The following VCAN variants were observed in gnomAD, a reference collection of about 807,000 sequenced individuals.
The protein encoded by VCAN is versican, also known as versican core protein.
In VCAN, 44 loss-of-function variants were observed where a neutral mutation model predicts 245.5. The ratio of observed to expected loss-of-function variants is 0.18; its 90% CI spans 0.14 to 0.23. VCAN has a LOEUF of 0.23. VCAN is among the 10% of genes least tolerant of loss of function. VCAN has a pLI of 1.00. For missense variants in VCAN, 3,793 were observed against 4,057.9 expected, an observed-to-expected ratio of 0.93 and a Z score of 1.77; for synonymous variants, 1,413 against 1,437.0, an observed-to-expected ratio of 0.98 and a Z score of 0.38.
chr5:83,565,986 G>A (rs765838202), intron 12 of VCAN, among the ~76,000 whole-genome samples: 2 of 147,292 alleles, frequency 1.4e-5, no homozygotes, highest in Non-Finnish European at 3.0e-5. Context: ...TTTTTGAGAC[G>A]GTGTCTCACT....
At chr5:83,559,008 C>A (rs1279192095) in intron 12 of VCAN, among the ~76,000 whole-genome samples, 1 of 152,046 alleles carries the variant, frequency 6.6e-6, no homozygotes, top group Non-Finnish European at 1.5e-5. Context: ...CCTAGTTATT[C>A]TTTAACTTGA....
rs766432542 is a variant in VCAN, at chr5:83,512,085, C to G, written c.749-18C>G. The G allele has an allele frequency of 1.2e-6, 2 of 1,613,532 alleles. No homozygotes were observed. Among genetic ancestry groups the G allele is most frequent in the South Asian group, 1.1e-5 (1 of 91,020 alleles). On this transcript the variant is annotated intron_variant, in intron 5 of 14. Transcript: ENST00000265077. ...AATAATAAAACTTTGGGCTTTTTTT[C>G]CCTTCTTTTTTTTCCAGGTGATGTG...
In VCAN at chr5:83,538,432, G is replaced by T; in HGVS notation, c.5429G>T (p.Ser1810Ile). The T allele has an allele frequency of 6.2e-7, 1 of 1,613,988 alleles. No homozygotes were observed. The highest frequency in any genetic ancestry group is 8.5e-7 in the Non-Finnish European group (1 of 1,179,964). The change falls in exon 8 of 15, where the codon AGC (serine) becomes ATC (isoleucine). Residue 1810 changes from serine to isoleucine, a missense_variant. Ser to Ile is a moderately radical substitution (Grantham distance 142, BLOSUM62 -2). Coordinates refer to ENST00000265077, the MANE Select transcript of VCAN (RefSeq NM_004385.5). ...TTGGGGGCACAGACCACTGAGCACA[G>T]CAGTATCCATCAACCTGGGGTTCAG... ...ENLGAQTTEH[S>I]SIHQPGVQEG...
intron 5 of VCAN, among the ~76,000 whole-genome samples, chr5:83,500,553 C>A (rs1251506468): frequency 6.6e-6 from 1 of 152,122 alleles, no homozygotes; most frequent in African/African-American, 2.4e-5. Flanking sequence ...TAACTTAAAT[C>A]TTATGAAACC....
At chr5:83,526,971 A>G (rs1482189296) in intron 7 of VCAN, among the ~76,000 whole-genome samples, 2 of 152,204 alleles carry the variant, frequency 1.3e-5, no homozygotes, top group Non-Finnish European at 2.9e-5. Flanking sequence ...TGAGTCTGAC[A>G]TTCTTGGCAT....
intron 5 of VCAN, among the ~76,000 whole-genome samples, chr5:83,499,034 G>C (rs535921213): frequency 7.3e-4 from 111 of 151,982 alleles, no homozygotes; most frequent in African/African-American, 2.5e-3. Flanking sequence ...CAGACCCTTT[G>C]CTTGCTCCTG....
At position 83,512,314 on chromosome 5, in the gene VCAN, T is replaced by C; in HGVS notation, c.960T>C (p.Leu320=). 6.2e-7 allele frequency: 1 copy of C among 1,613,580 alleles called. No homozygotes were observed. Among genetic ancestry groups the C allele is most frequent in the Non-Finnish European group, 8.5e-7 (1 of 1,179,512 alleles). ...GGGCCCAGTGTGGAGGTGGTCTACT[T>C]GGGGTGAGAACCCTGTATCGTTTTG... The part of the protein sequence containing the change: ...VARAQCGGGL[L]GVRTLYRFEN... The change falls in exon 6 of 15, where the codon CTT becomes CTC. Residue 320 remains leucine, a synonymous_variant. Coordinates refer to ENST00000265077, the MANE Select transcript of VCAN (RefSeq NM_004385.5).
At chr5:83,579,549 C>T (rs975321688) in intron 13 of VCAN, among the ~76,000 whole-genome samples, 1 of 152,150 alleles carries the variant, frequency 6.6e-6, no homozygotes, top group Non-Finnish European at 1.5e-5. Flanking sequence ...AGGCATAAGC[C>T]ACTGTGCCTG....
rs151047073 is a variant in VCAN at position 83,521,531 on chromosome 5, C to T, written c.3225C>T (p.Val1075=). 37 of 1,613,908 alleles carry T rather than the reference C, an allele frequency of 2.3e-5. No individual in the cohort carries two copies. Among genetic ancestry groups the T allele is most frequent in the Non-Finnish European group, 3.1e-5 (36 of 1,180,010 alleles). ...AGGGCGATGGATCAGCATATACAGT[C>T]TCTGAAGATGAATTGTTGACAGGTT... is the stretch of plus-strand genomic sequence containing the variant. ...EQEGDGSAYT[V]SEDELLTGSE... is the part of the protein sequence containing the mutation. Residue 1075 remains valine (V), a synonymous_variant, in exon 7 of 15, where the codon GTC becomes GTT. Transcript: ENST00000265077.
At position 83,541,662 on chromosome 5, in the gene VCAN, A is replaced by T; in HGVS notation, c.8659A>T (p.Thr2887Ser). ...ATCAAGTGAGGAATACCTTCACATAACTGAGCCTCCCTCTTTATCTCCTGA... is the reference window on the plus strand; with the variant it reads ...ATCAAGTGAGGAATACCTTCACATATCTGAGCCTCCCTCTTTATCTCCTGA... ...KPSSEEYLHITEPPSLSPDTK... is the reference protein window; with the variant it reads ...KPSSEEYLHISEPPSLSPDTK... Residue 2887 changes from threonine to serine, a missense_variant, in exon 8 of 15, where the codon ACT becomes TCT. Transcript: ENST00000265077. 1 of 1,613,954 alleles carries T rather than the reference A, an allele frequency of 6.2e-7. No individual in the cohort carries two copies. The highest frequency in any genetic ancestry group is 8.5e-7 in the Non-Finnish European group (1 of 1,180,016).
At chr5:83,522,401 C>G (rs1459894696) in intron 7 of VCAN, 92 bp downstream of exon 7, 2 of 1,352,862 alleles carry the variant, frequency 1.5e-6, no homozygotes, top group Admixed American at 3.5e-5. Context: ...ATACCAAATG[C>G]TGCTATTAGA....
chr5:83,565,437 GAGAGAC>G (rs1748044115), intron 12 of VCAN, among the ~76,000 whole-genome samples: 1 of 98,688 alleles, frequency 1.0e-5, no homozygotes, highest in African/African-American at 3.5e-5. Context: ...ATGTGTGAGA[GAGAGAC>G]AGAGTCTCAA....
At chr5:83,569,293 A>G (rs770499108) in intron 12 of VCAN, among the ~76,000 whole-genome samples, 2 of 152,142 alleles carry the variant, frequency 1.3e-5, no homozygotes, top group Non-Finnish European at 2.9e-5. Context: ...TCCACTGGCT[A>G]TGTCTGTAAT....
intron 13 of VCAN, among the ~76,000 whole-genome samples, chr5:83,574,331 C>A (rs767629902): frequency 3.9e-5 from 6 of 152,124 alleles, no homozygotes; most frequent in Non-Finnish European, 4.4e-5. Context: ...ATGTTGACAC[C>A]TAAAATTAAG....
At chr5:83,564,932 T>G (rs1027943629) in intron 12 of VCAN, among the ~76,000 whole-genome samples, 6 of 152,152 alleles carry the variant, frequency 3.9e-5, no homozygotes, top group Admixed American at 2.6e-4. Context: ...ATTGGCCATT[T>G]AAGGTAATCT....
At chr5:83,482,803 G>A (rs1744656148) in intron 1 of VCAN, among the ~76,000 whole-genome samples, 1 of 152,186 alleles carries the variant, frequency 6.6e-6, no homozygotes, top group Admixed American at 6.5e-5. Flanking sequence ...TCAGTACAGG[G>A]TATTTTCTTT....
At chr5:83,557,707 G>A (rs1747726652) in intron 12 of VCAN, among the ~76,000 whole-genome samples, 1 of 152,108 alleles carries the variant, frequency 6.6e-6, no homozygotes, top group Admixed American at 6.6e-5. Flanking sequence ...TGTCAAAAAA[G>A]AAATATTGAT....
intron 12 of VCAN, among the ~76,000 whole-genome samples, chr5:83,572,011 A>C (rs1447380478): frequency 6.6e-6 from 1 of 152,172 alleles, no homozygotes; most frequent in Non-Finnish European, 1.5e-5. Context: ...TCACAATTAT[A>C]TAAATTTATA....
At chr5:83,558,932 A>T (rs1747766629) in intron 12 of VCAN, among the ~76,000 whole-genome samples, 1 of 152,102 alleles carries the variant, frequency 6.6e-6, no homozygotes, top group Non-Finnish European at 1.5e-5. Context: ...TACCCTTGTG[A>T]TTTATATTAA....
Sources: gnomAD v4.1 joint callset for allele counts (sites outside exome capture counted in the v4.1 genomes callset) on GRCh38, gnomAD v4.1.1 for gene constraint, MANE v1.5 for transcripts, NCBI Gene and HGNC (gene_info 2026-07-23, HGNC 2026-07-21) for gene names.